The following SFRP1 variants were observed in gnomAD, a reference collection of about 807,000 sequenced individuals.
The protein encoded by SFRP1 is secreted frizzled-related protein 1.
SFRP1 carries 9 observed loss-of-function variants against 25.9 expected under a neutral mutation model. The observed-to-expected ratio is 0.35, with a 90% CI of 0.21 to 0.61. SFRP1 has a LOEUF of 0.61. Among genes scored for constraint, SFRP1 ranks in the 20% least tolerant of loss-of-function variants. The pLI is 0.78. For synonymous variants in SFRP1, 178 were observed against 174.0 expected (o/e 1.02, Z -0.18); for missense variants, 346 against 418.2 (o/e 0.83, Z 1.51).
chr8:41,262,633 T>C lies in SFRP1; in HGVS notation c.*2534A>G, dbSNP rs12914. On this transcript the variant is annotated 3_prime_UTR_variant, in exon 3 of 3. Coordinates refer to ENST00000220772, the MANE Select transcript of SFRP1 (RefSeq NM_003012.5). ...CCCAGGACTCTATCCAGAATGATTA[T>C]TGTAAAGCTTTACAAATCCCACCTT... The C allele has an allele frequency of 0.31, 46,530 of 152,158 alleles. 7,859 individuals carry two copies. Among genetic ancestry groups the C allele is most frequent in the Middle Eastern group, 0.4 (118 of 294 alleles). 9.4% of individuals were successfully genotyped at this position (152,158 alleles called of 1,614,324 possible).
Position 41,275,709 on chromosome 8 carries a change from A to G in SFRP1, c.623-10220T>C, listed in dbSNP as rs183880405. Among the ~76,000 whole-genome samples the G allele has an allele frequency of 9.2e-5, 14 of 151,892 alleles. No individual in the cohort carries two copies. In the East Asian group the frequency reaches 2.7e-3, roughly 30 times the overall value. ...AGTAGAGACGGGGTTTCACCACGTT[A>G]GCTAGGATGGTCTAGATTTCCTGAC... On this transcript the variant is annotated intron_variant, in intron 2 of 2. Transcript: ENST00000220772.
chr8:41,293,089 C>T (rs1803797761), intron 2 of SFRP1, among the ~76,000 whole-genome samples: 1 of 152,224 alleles, frequency 6.6e-6, no homozygotes, highest in Non-Finnish European at 1.5e-5. Flanking sequence ...CTTCCTTGCC[C>T]AGGGCTGACA....
rs1303779891 is a variant in SFRP1, at chr8:41,262,636, T to A, written c.*2531A>T. 6.6e-6 allele frequency: 1 copy of A among 152,242 alleles called. No homozygotes were observed. The highest frequency in any genetic ancestry group is 1.5e-5 in the Non-Finnish European group (1 of 68,054). The allele number at this position is 152,242 out of a possible 1,614,324, so 9.4% of individuals were successfully genotyped here. On this transcript the variant is annotated 3_prime_UTR_variant, in exon 3 of 3. Transcript: ENST00000220772. ...AGGACTCTATCCAGAATGATTATTG[T>A]AAAGCTTTACAAATCCCACCTTGGC... is the stretch of plus-strand genomic sequence containing the variant.
intron 2 of SFRP1, among the ~76,000 whole-genome samples, chr8:41,275,973 C>T (rs761239170): frequency 6.6e-6 from 1 of 152,156 alleles, no homozygotes; most frequent in Non-Finnish European, 1.5e-5. Flanking sequence ...GTCTCGAACT[C>T]CTGAGCTCAA....
At chr8:41,293,905 A>G (rs1021085180) in intron 2 of SFRP1, among the ~76,000 whole-genome samples, 10 of 150,944 alleles carry the variant, frequency 6.6e-5, no homozygotes, top group African/African-American at 1.7e-4. Flanking sequence ...TGGGACCACA[A>G]TGTGCCACCA....
chr8:41,275,102 G>A (rs1585507435), intron 2 of SFRP1: 1 of 399,042 alleles, frequency 2.5e-6, no homozygotes, highest in Non-Finnish European at 4.9e-6. Context: ...GGGTTAGAAT[G>A]CAAATTATTT....
Position 41,265,112 on chromosome 8 carries a change from T to TCCCCCCCCCAACCCCCCC in SFRP1, c.*54_*55insGGGGGGGTTGGGGGGGGG, listed in dbSNP as rs1186108691. The stretch of plus-strand genomic sequence containing the variant: ...GACCCACCGGGTTCCCGGGGCACTG[T>TCCCCCCCCCAACCCCCCC]CCCCCCCGCTCCCACCCCACCCGAG... On this transcript the variant is annotated 3_prime_UTR_variant, in exon 3 of 3. Coordinates refer to ENST00000220772, the MANE Select transcript of SFRP1 (RefSeq NM_003012.5). 1 of 517,774 alleles carries TCCCCCCCCCAACCCCCCC rather than the reference T, an allele frequency of 1.9e-6. No individual in the cohort carries two copies. The highest frequency in any genetic ancestry group is 3.6e-6 in the Non-Finnish European group (1 of 279,106). The allele number at this position is 517,774 out of a possible 1,614,324, so 32.1% of individuals were successfully genotyped here. A position where few individuals can be genotyped will look rare whatever the true frequency, so the allele number is the denominator to read the frequency against.
chr8:41,289,658 G>T (rs1248655341), intron 2 of SFRP1, among the ~76,000 whole-genome samples: 1 of 152,212 alleles, frequency 6.6e-6, no homozygotes, highest in African/African-American at 2.4e-5. Flanking sequence ...CTAAGGAAGT[G>T]ACTCCTGCCC....
Position 41,280,197 on chromosome 8 carries a change from AGG to A in SFRP1, c.623-14710_623-14709del, listed in dbSNP as rs1803618723. Among the ~76,000 whole-genome samples the A allele has an allele frequency of 2.6e-5, 4 of 152,324 alleles. 1 individual carries two copies. The South Asian group carries it at 8.3e-4, about 32-fold the overall frequency. On this transcript the variant is annotated intron_variant, in intron 2 of 2. Coordinates refer to ENST00000220772, the MANE Select transcript of SFRP1 (RefSeq NM_003012.5). ...CATACAGTTTTCCTTTGTGGGGTGC[AGG>A]GTCGGGGGATGGTGCGGCAAAGCCC... is the stretch of plus-strand genomic sequence containing the variant.
intron 2 of SFRP1, among the ~76,000 whole-genome samples, chr8:41,294,425 T>C (rs143455064): frequency 2.5e-4 from 38 of 152,298 alleles, no homozygotes; most frequent in Non-Finnish European, 1.3e-4. Context: ...AGAAAGCTGA[T>C]GGAAGGGCTA....
intron 2 of SFRP1, among the ~76,000 whole-genome samples, chr8:41,296,561 A>C (rs549763330): frequency 6.6e-6 from 1 of 151,870 alleles, no homozygotes; most frequent in South Asian, 2.1e-4. Flanking sequence ...AAACTGGATG[A>C]AACTTACCAA....
rs772959341 is a variant in SFRP1, at chr8:41,306,731, G to T, written c.544+1885C>A. The T allele has an allele frequency of 3.1e-6, 5 of 1,597,844 alleles. No individual in the cohort carries two copies. The South Asian group carries it at 5.5e-5, about 18-fold the overall frequency. ...TTGGGAGGGTGACTACCTGAGCGCT[G>T]CTGGGAGGAGTGGAGGTGAGTGAGG... On this transcript the variant is annotated intron_variant, in intron 1 of 2. Coordinates refer to ENST00000220772, the MANE Select transcript of SFRP1 (RefSeq NM_003012.5).
intron 2 of SFRP1, among the ~76,000 whole-genome samples, chr8:41,303,037 C>T (rs550002960): frequency 3.3e-4 from 47 of 143,212 alleles, no homozygotes; most frequent in Admixed American, 1.1e-3. Flanking sequence ...CATGCTGACA[C>T]CTAGGGGTAG....
chr8:41,272,276 C>A (rs1245530135), intron 2 of SFRP1, among the ~76,000 whole-genome samples: 1 of 152,106 alleles, frequency 6.6e-6, no homozygotes, highest in Non-Finnish European at 1.5e-5. Flanking sequence ...TCTTTAACTT[C>A]AATAACAGAA....
At chr8:41,283,610 T>C (rs1327332724) in intron 2 of SFRP1, among the ~76,000 whole-genome samples, 1 of 150,586 alleles carries the variant, frequency 6.6e-6, no homozygotes, top group Admixed American at 6.6e-5. Flanking sequence ...AGACAGTTTC[T>C]CTCTGTCACC....
chr8:41,266,099 G>A (rs944679960), intron 2 of SFRP1, among the ~76,000 whole-genome samples: 1 of 151,934 alleles, frequency 6.6e-6, no homozygotes, highest in Non-Finnish European at 1.5e-5. Context: ...CTGGGAGGCG[G>A]AGGTTGCAGT....
intron 2 of SFRP1, among the ~76,000 whole-genome samples, chr8:41,286,021 G>A (rs546019923): frequency 5.9e-5 from 9 of 151,896 alleles, no homozygotes; most frequent in South Asian, 4.2e-4. Flanking sequence ...GGAACTGGGC[G>A]GGGGGAGGGG....
At chr8:41,302,265 G>A (rs193097275) in intron 2 of SFRP1, among the ~76,000 whole-genome samples, 10 of 152,272 alleles carry the variant, frequency 6.6e-5, no homozygotes, top group Non-Finnish European at 1.3e-4. Context: ...TAGCTCTGGT[G>A]GCCATCTACA....
At chr8:41,301,575 G>A (rs1268773973) in intron 2 of SFRP1, among the ~76,000 whole-genome samples, 4 of 152,214 alleles carry the variant, frequency 2.6e-5, no homozygotes, top group East Asian at 1.9e-4. Flanking sequence ...CAGCGCCTCC[G>A]TGGCAGAGCC....
Sources: gnomAD v4.1 joint callset for allele counts (sites outside exome capture counted in the v4.1 genomes callset) on GRCh38, gnomAD v4.1.1 for gene constraint, MANE v1.5 for transcripts, NCBI Gene and HGNC (gene_info 2026-07-23, HGNC 2026-07-21) for gene names.